Variants in USP33 observed in about 807,000 individuals in gnomAD.
The protein encoded by USP33 is ubiquitin specific peptidase 33.
USP33 carries 46 observed loss-of-function variants against 124.2 expected under a neutral mutation model. The ratio of observed to expected loss-of-function variants is 0.37; its 90% CI spans 0.29 to 0.47. The LOEUF (loss-of-function observed/expected upper bound fraction) is 0.47, where lower values mean the gene tolerates loss of function less well. USP33 is among the 20% of genes least tolerant of loss of function. USP33 has a pLI of 0.99. For synonymous variants in USP33, 350 were observed against 352.3 expected, an observed-to-expected ratio of 0.99 and a Z score of 0.07; for missense variants, 851 against 1,070.6, an observed-to-expected ratio of 0.79 and a Z score of 2.86.
chr1:77,750,632 G>C (rs75075437), intron 1 of USP33, among the ~76,000 whole-genome samples: 2,830 of 83,984 alleles, frequency 0.034, 35 homozygotes, highest in Middle Eastern at 0.07. Flanking sequence ...AAAAAAGAAA[G>C]AAAGAAAGAA....
intron 21 of USP33, among the ~76,000 whole-genome samples, chr1:77,709,486 C>G (rs959917070): frequency 6.6e-6 from 1 of 151,690 alleles, no homozygotes; most frequent in African/African-American, 2.4e-5. Flanking sequence ...TGCATTCCAG[C>G]CTGGTGACAG....
Position 77,736,137 on chromosome 1 carries a change from T to C in USP33, c.373A>G (p.Thr125Ala). ...SVQDFKIPSN[T>A]TLKTPLVAVF... ...GCAACCAGAGGAGTTTTTAATGTTG[T>C]ATTACTGGGTATTTTAAAATCCTTG... The change falls in exon 6 of 24, where the codon ACA (threonine) becomes GCA (alanine). Residue 125 changes from threonine (T) to alanine (A), a missense_variant. This residue lies in a region of USP33 where 221 missense variants were observed against 302.9 expected (regional missense o/e 0.73). Transcript: ENST00000370794. 1 of 1,610,990 alleles carries C rather than the reference T, an allele frequency of 6.2e-7. No homozygotes were observed. Among genetic ancestry groups the C allele is most frequent in the Non-Finnish European group, 8.5e-7 (1 of 1,178,374 alleles).
intron 7 of USP33, among the ~76,000 whole-genome samples, chr1:77,731,630 G>C (rs1454937457): frequency 6.6e-6 from 1 of 150,966 alleles, no homozygotes; most frequent in Admixed American, 6.6e-5. Context: ...TCCCACCTTA[G>C]CCTCCCAAAG....
chr1:77,752,549 AT>A (rs1680433524), intron 1 of USP33, among the ~76,000 whole-genome samples: 1 of 152,212 alleles, frequency 6.6e-6, no homozygotes, highest in Admixed American at 6.5e-5. Flanking sequence ...AAAGCTCTTC[AT>A]AAAAAGTCAG....
rs1570893228 is a variant in USP33, at chr1:77,759,687, G to C, written c.-96C>G. ...GGACCCGCCAGCTCGACCAACAACG[G>C]CCTGCAGCCGCACCTCCGCAAGCTC... On this transcript the variant is annotated 5_prime_UTR_variant, in exon 1 of 24. Transcript: ENST00000370794. 2.5e-6 allele frequency: 1 copy of C among 399,122 alleles called. No individual in the cohort carries two copies. The allele number at this position is 399,122 out of a possible 1,614,324, so 24.7% of individuals were successfully genotyped here.
At chr1:77,706,378 T>C (rs1478479629) in intron 21 of USP33, among the ~76,000 whole-genome samples, 1 of 152,226 alleles carries the variant, frequency 6.6e-6, no homozygotes, top group Non-Finnish European at 1.5e-5. Flanking sequence ...TATCTTCCAA[T>C]TGGAGTATTT....
At chr1:77,754,401 C>T (rs559755505) in intron 1 of USP33, among the ~76,000 whole-genome samples, 9 of 152,180 alleles carry the variant, frequency 5.9e-5, no homozygotes, top group Admixed American at 5.9e-4. Flanking sequence ...GCCAAAAAAA[C>T]TGATGAATGG....
In USP33 at chr1:77,701,669, TTTTA is replaced by T. The variant is rs934276171; in HGVS notation, c.2407-202_2407-199del. ...CTACAAAAAAAACATTATTTTTTAT[TTTTA>T]TTTATTTATTTTTGAGATAGAGTTT... On this transcript the variant is annotated intron_variant, in intron 21 of 23. Coordinates refer to ENST00000370794, the MANE Select transcript of USP33 (RefSeq NM_201624.3). 1.7e-4 allele frequency: 77 copies of T among 448,634 alleles called. No homozygotes were observed. The Admixed American group carries it at 1.9e-3, about 11-fold the overall frequency. The allele number at this position is 448,634 out of a possible 1,614,324, so 27.8% of individuals were successfully genotyped here.
At chr1:77,739,164 A>AGGTTAGGC in intron 5 of USP33, 101 bp downstream of exon 5, 2 of 1,358,710 alleles carry the variant, frequency 1.5e-6, no homozygotes, top group Non-Finnish European at 2.0e-6. Flanking sequence ...TTCAAAGTAC[A>AGGTTAGGC]GGTTAGGCAG....
chr1:77,711,929 C>A, intron 20 of USP33, 74 bp from the exon 21 acceptor site: 1 of 1,363,982 alleles, frequency 7.3e-7, no homozygotes, highest in South Asian at 1.4e-5. Context: ...GGCCAAATAC[C>A]CAGTAAAAAT....
rs1677609974 is a variant in USP33 at position 77,729,938 on chromosome 1, C to T, written c.639G>A (p.Arg213=). The change falls in exon 9 of 24, where the codon AGG becomes AGA. Residue 213 remains arginine (R), a splice_region_variant and synonymous_variant. Transcript: ENST00000370794. ...GAGTAGTAGGCACAACAGATCCTGG[C>T]CTGAGCAAGAAAACATTTTTAAAGA... The part of the protein sequence containing the change: ...KLMTELWHKS[R]PGSVVPTTLF... 1 of 1,595,896 alleles carries T rather than the reference C, an allele frequency of 6.3e-7. No homozygotes were observed. Among genetic ancestry groups the T allele is most frequent in the Non-Finnish European group, 8.5e-7 (1 of 1,174,760 alleles).
intron 1 of USP33, among the ~76,000 whole-genome samples, chr1:77,749,382 T>C (rs56861428): frequency 0.038 from 5,697 of 150,796 alleles, 175 homozygotes; most frequent in East Asian, 0.15. Flanking sequence ...TTTTTTGTTT[T>C]GTTTGTTTTT....
intron 3 of USP33, 132 bp from the exon 4 acceptor site, chr1:77,741,071 A>G (rs1679066465): frequency 3.0e-6 from 2 of 666,886 alleles, no homozygotes; most frequent in Non-Finnish European, 4.9e-6. Flanking sequence ...ATGACTTTCC[A>G]GTCATTAAAT....
chr1:77,711,998 G>A (rs1168692731), intron 20 of USP33, 143 bp from the exon 21 acceptor site: 1 of 777,648 alleles, frequency 1.3e-6, no homozygotes, highest in Non-Finnish European at 2.0e-6. Flanking sequence ...ATAAGGACTT[G>A]TTATTATGTT....
Position 77,697,111 on chromosome 1 carries a change from G to T in USP33, c.*206C>A. Reference sequence around the variant, plus strand: ...AAAAATTACACTGAAAGACTTTATGGTAAGTATTTAAAACTAAATATACCA... The same window carrying T: ...AAAAATTACACTGAAAGACTTTATGTTAAGTATTTAAAACTAAATATACCA... On this transcript the variant is annotated 3_prime_UTR_variant, in exon 24 of 24. Coordinates refer to ENST00000370794, the MANE Select transcript of USP33 (RefSeq NM_201624.3). The T allele has an allele frequency of 2.3e-6, 1 of 433,604 alleles. No individual in the cohort carries two copies. The allele number at this position is 433,604 out of a possible 1,614,324, so 26.9% of individuals were successfully genotyped here.
chr1:77,743,809 TA>T (rs1679405754), intron 1 of USP33, among the ~76,000 whole-genome samples: 1 of 152,194 alleles, frequency 6.6e-6, no homozygotes, highest in Non-Finnish European at 1.5e-5. Context: ...ATCCTTAATC[TA>T]AAGGTTACTT....
chr1:77,756,594 T>C (rs1280671669), intron 1 of USP33, among the ~76,000 whole-genome samples: 6 of 152,168 alleles, frequency 3.9e-5, no homozygotes, highest in African/African-American at 1.2e-4. Context: ...TCAGTGAGGA[T>C]TGACTGTAGA....
rs1255094054 is a variant in USP33 at position 77,697,620 on chromosome 1, T to C, written c.2579-146A>G. 8 of 1,051,668 alleles carry C rather than the reference T, an allele frequency of 7.6e-6. No individual in the cohort carries two copies. In the East Asian group the frequency reaches 1.5e-4, roughly 20 times the overall value. 65.1% of individuals were successfully genotyped at this position (1,051,668 alleles called of 1,614,324 possible). A position where few individuals can be genotyped will look rare whatever the true frequency, so the allele number is the denominator to read the frequency against. On this transcript the variant is annotated intron_variant, in intron 23 of 23. Transcript: ENST00000370794. ...TCTGCAGACTACCAGCCCATATTGT[T>C]ATAAGCTGAAACATATGGCTTGTCT... is the stretch of plus-strand genomic sequence containing the variant.
At chr1:77,700,471 T>C (rs544764042) in intron 22 of USP33, among the ~76,000 whole-genome samples, 8 of 152,176 alleles carry the variant, frequency 5.3e-5, no homozygotes, top group African/African-American at 1.9e-4. Flanking sequence ...TAGCCAAGTG[T>C]GGTAGTACAT....
Sources: gnomAD v4.1 joint callset for allele counts (sites outside exome capture counted in the v4.1 genomes callset) on GRCh38, gnomAD v4.1.1 for gene constraint, gnomAD v4.1.1 regional missense constraint, MANE v1.5 for transcripts, NCBI Gene and HGNC (gene_info 2026-07-23, HGNC 2026-07-21) for gene names.